Variants in MYO5C observed in about 807,000 individuals in gnomAD.
The protein encoded by MYO5C is unconventional myosin-Vc.
In MYO5C, 194 loss-of-function variants were observed where a neutral mutation model predicts 235.7. The observed-to-expected ratio is 0.82, with a 90% CI of 0.73 to 0.93. MYO5C has a LOEUF of 0.93. Among genes scored for constraint, MYO5C ranks in the 40% least tolerant of loss-of-function variants. The pLI is 0.00. For synonymous variants in MYO5C, 707 were observed against 754.8 expected, an observed-to-expected ratio of 0.94 and a Z score of 1.04; for missense variants, 2,038 against 2,127.2, an observed-to-expected ratio of 0.96 and a Z score of 0.82.
At chr15:52,215,829 T>C (rs2035539841) in intron 32 of MYO5C, among the ~76,000 whole-genome samples, 1 of 152,212 alleles carries the variant, frequency 6.6e-6, no homozygotes, top group South Asian at 2.1e-4. Context: ...CTGCAGACGT[T>C]TTCCCATGTC....
rs761521048 is a variant in MYO5C, at chr15:52,247,000, C to G, written c.1896G>C (p.Leu632=). 53 of 1,613,368 alleles carry G rather than the reference C, an allele frequency of 3.3e-5. No homozygotes were observed. Among genetic ancestry groups the G allele is most frequent in the African/African-American group, 1.7e-4 (13 of 74,880 alleles). The change falls in exon 16 of 41, where the codon CTG becomes CTC. Residue 632 remains leucine (L), a synonymous_variant. Transcript: ENST00000261839. ...TTVGSKFRSS[L]YLLMETLNAT... ...CATTGAGGGTCTCCATGAGCAAGTA[C>G]AGAGAGCTGCGGAACTAGGAAACAA...
chr15:52,248,672 C>G, intron 14 of MYO5C, 28 bp downstream of exon 14: 1 of 1,503,876 alleles, frequency 6.6e-7, no homozygotes, highest in Non-Finnish European at 9.3e-7. Context: ...TATATAATAA[C>G]TTTAGTTACC....
chr15:52,211,185 T>G (rs985357289), intron 35 of MYO5C, among the ~76,000 whole-genome samples: 5 of 152,182 alleles, frequency 3.3e-5, no homozygotes, highest in African/African-American at 4.8e-5. Context: ...GGAACCGCTA[T>G]CAGCAAAGAA....
chr15:52,270,941 G>A (rs1020495057), intron 7 of MYO5C, among the ~76,000 whole-genome samples: 3 of 152,128 alleles, frequency 2.0e-5, no homozygotes, highest in Non-Finnish European at 2.9e-5. Flanking sequence ...TAGCACAAAT[G>A]GCTAAGGCAG....
intron 24 of MYO5C, among the ~76,000 whole-genome samples, 160 bp downstream of exon 24, chr15:52,232,462 T>C (rs1044843346): frequency 6.6e-6 from 1 of 152,194 alleles, no homozygotes. Context: ...CAGTACACAT[T>C]GTGGAACTTA....
intron 28 of MYO5C, 61 bp from the exon 29 acceptor site, chr15:52,223,785 G>T: frequency 2.0e-6 from 3 of 1,477,802 alleles, no homozygotes; most frequent in South Asian, 2.6e-5. Context: ...ATGGACTGCT[G>T]GGAGGCAGTT....
chr15:52,251,563 C>A (rs2036474047), intron 12 of MYO5C, 48 bp from the exon 13 acceptor site: 1 of 1,525,776 alleles, frequency 6.6e-7, no homozygotes, highest in East Asian at 2.4e-5. Context: ...ACCAGAGATT[C>A]ATACAGGTGA....
At chr15:52,273,841 T>G (rs2036978910) in intron 5 of MYO5C, among the ~76,000 whole-genome samples, 1 of 152,160 alleles carries the variant, frequency 6.6e-6, no homozygotes, top group Non-Finnish European at 1.5e-5. Flanking sequence ...TGAGAGAATA[T>G]GAGGTGCCTC....
At chr15:52,269,486 G>A (rs1291913053) in intron 8 of MYO5C, among the ~76,000 whole-genome samples, 1 of 144,044 alleles carries the variant, frequency 6.9e-6, no homozygotes, top group Non-Finnish European at 1.5e-5. Context: ...TCTGCCTCCT[G>A]AGTTCAAGGG....
At chr15:52,243,369 T>G (rs2036266000) in intron 19 of MYO5C, 1 of 152,586 alleles carries the variant, frequency 6.6e-6, no homozygotes, top group South Asian at 2.1e-4. Context: ...CAGGGCAGGA[T>G]GATCAGGCTC....
In MYO5C at chr15:52,238,577, CTG is replaced by C. The variant is rs561547686; in HGVS notation, c.2704-933_2704-932del. On this transcript the variant is annotated intron_variant, in intron 21 of 40. Transcript: ENST00000261839. ...GGAGTGAGTTTTACGGATCTAGACA[CTG>C]TGTGTTCCATAGCCCTCCCCACCAA... Among the ~76,000 whole-genome samples, 186 of 152,342 alleles carry C rather than the reference CTG, an allele frequency of 1.2e-3. 1 individual carries two copies. Among genetic ancestry groups the C allele is most frequent in the African/African-American group, 4.2e-3 (174 of 41,582 alleles).
intron 2 of MYO5C, among the ~76,000 whole-genome samples, chr15:52,280,353 G>A (rs2037139892): frequency 2.0e-5 from 3 of 152,240 alleles, no homozygotes; most frequent in Admixed American, 1.3e-4. Flanking sequence ...ATTTTCCCAG[G>A]CTTGCTCCTC....
rs74015641 is a variant in MYO5C at position 52,239,402 on chromosome 15, G to A, written c.2703+331C>T. Among the ~76,000 whole-genome samples the A allele has an allele frequency of 8.0e-3, 1,212 of 152,326 alleles. 15 individuals are homozygous for A. The highest frequency in any genetic ancestry group is 0.028 in the African/African-American group (1,146 of 41,554). Reference sequence around the variant, plus strand: ...TCCCAAGGCAGCACGCTTGGCATGCGGACAGCATCTTTGAGCAAATTAGGA... The same window carrying A: ...TCCCAAGGCAGCACGCTTGGCATGCAGACAGCATCTTTGAGCAAATTAGGA... On this transcript the variant is annotated intron_variant, in intron 21 of 40. Transcript: ENST00000261839.
At chr15:52,214,914 TCA>T (rs933399284) in intron 32 of MYO5C, among the ~76,000 whole-genome samples, 3 of 152,198 alleles carry the variant, frequency 2.0e-5, no homozygotes, top group African/African-American at 7.2e-5. Context: ...ACCTTTAGTG[TCA>T]CTCTCTAGTT....
intron 9 of MYO5C, 59 bp downstream of exon 9, chr15:52,264,131 C>T (rs1384422230): frequency 1.9e-5 from 25 of 1,330,502 alleles, no homozygotes; most frequent in Non-Finnish European, 2.4e-5. Flanking sequence ...AGGTCAGCTG[C>T]GAGCCAGTTC....
At chr15:52,260,612 A>G (rs1036732384) in intron 10 of MYO5C, among the ~76,000 whole-genome samples, 3 of 152,250 alleles carry the variant, frequency 2.0e-5, no homozygotes, top group African/African-American at 4.8e-5. Context: ...ATGGAAGCCA[A>G]GCAGCCTCAG....
At chr15:52,235,294 T>C (rs2036054042) in intron 23 of MYO5C, among the ~76,000 whole-genome samples, 1 of 152,132 alleles carries the variant, frequency 6.6e-6, no homozygotes, top group Non-Finnish European at 1.5e-5. Context: ...GTAAAGGTTT[T>C]CTAAAATTAC....
chr15:52,256,119 A>G (rs1024259617), intron 11 of MYO5C, among the ~76,000 whole-genome samples: 1 of 152,220 alleles, frequency 6.6e-6, no homozygotes, highest in African/African-American at 2.4e-5. Flanking sequence ...CTATTTGGAA[A>G]CTTGCATGCA....
Position 52,261,102 on chromosome 15 carries a change from A to G in MYO5C, c.1073T>C (p.Phe358Ser), listed in dbSNP as rs781531242. ...VSEDDSHLKVFCELLGLESGR... is the reference protein window; with the variant it reads ...VSEDDSHLKVSCELLGLESGR... ...ACTCTCCAGGCCCAGGAGCTCACAG[A>G]ACACCTTCAGGTGACTGTCATCCTC... The change falls in exon 10 of 41, where the codon TTC becomes TCC. Residue 358 changes from phenylalanine to serine, a missense_variant. Coordinates refer to ENST00000261839, the MANE Select transcript of MYO5C (RefSeq NM_018728.4). 2.5e-6 allele frequency: 4 copies of G among 1,614,058 alleles called. No individual in the cohort carries two copies. The African/African-American group carries it at 5.3e-5, about 22-fold the overall frequency.
Sources: allele counts gnomAD v4.1 joint callset (sites outside exome capture counted in the v4.1 genomes callset), GRCh38; gene constraint gnomAD v4.1.1; transcripts MANE v1.5; gene names NCBI Gene and HGNC (gene_info 2026-07-23, HGNC 2026-07-21).